The following TMCC1 variants were observed in gnomAD, a reference collection of about 807,000 sequenced individuals.
TMCC1 encodes the protein transmembrane and coiled-coil domain family 1, also known as transmembrane and coiled-coil domains protein 1.
A neutral mutation model predicts 52.4 loss-of-function variants in TMCC1; 15 were observed. The observed-to-expected ratio is 0.29, with a 90% CI of 0.19 to 0.44. The LOEUF (loss-of-function observed/expected upper bound fraction) is 0.44. Ranked by LOEUF, TMCC1 falls within the 20% of genes least tolerant of loss-of-function variation. The pLI, the probability that TMCC1 is intolerant of heterozygous loss-of-function variation, is 1.00. For synonymous variants in TMCC1, 279 were observed against 301.9 expected (o/e 0.92, Z 0.79); for missense variants, 503 against 806.0 (o/e 0.62, Z 4.55).
chr3:129,849,420 C>A (rs1015059730), intron 2 of TMCC1, among the ~76,000 whole-genome samples: 12 of 151,664 alleles, frequency 7.9e-5, no homozygotes, highest in African/African-American at 2.4e-4. Context: ...AGATTGCATG[C>A]CACTGCACTC....
chr3:129,678,387 G>A (rs1194484988), intron 4 of TMCC1, among the ~76,000 whole-genome samples: 3 of 122,834 alleles, frequency 2.4e-5, no homozygotes, highest in East Asian at 2.2e-4. Context: ...TTGAGATGGC[G>A]TCTCACTCTG....
chr3:129,818,741 T>C (rs944681921), intron 4 of TMCC1, among the ~76,000 whole-genome samples: 10 of 152,180 alleles, frequency 6.6e-5, no homozygotes, highest in Non-Finnish European at 1.2e-4. Context: ...GAAGGGCTAA[T>C]AAATGACTGA....
chr3:129,801,283 C>CT (rs35561257), intron 4 of TMCC1, among the ~76,000 whole-genome samples: 11 of 148,406 alleles, frequency 7.4e-5, no homozygotes, highest in East Asian at 2.0e-4. Flanking sequence ...CTATGACCTC[C>CT]TTTTTTTTTT....
chr3:129,759,532 T>C (rs2053314557), intron 4 of TMCC1, among the ~76,000 whole-genome samples: 2 of 150,730 alleles, frequency 1.3e-5, no homozygotes, highest in South Asian at 2.1e-4. Context: ...CCTCCCCAAG[T>C]ACTAGGATTA....
chr3:129,789,529 A>T (rs954963618), intron 4 of TMCC1, among the ~76,000 whole-genome samples: 15 of 152,106 alleles, frequency 9.9e-5, no homozygotes, highest in Admixed American at 7.9e-4. Flanking sequence ...CGCCCAGGCT[A>T]GAGTGCAGTG....
chr3:129,749,746 C>T (rs1377756095), intron 4 of TMCC1, among the ~76,000 whole-genome samples: 1 of 152,114 alleles, frequency 6.6e-6, no homozygotes, highest in African/African-American at 2.4e-5. Context: ...TCTCTTTATA[C>T]ATAAAATACT....
chr3:129,733,126 T>C (rs1349680569), intron 4 of TMCC1, among the ~76,000 whole-genome samples: 1 of 152,212 alleles, frequency 6.6e-6, no homozygotes, highest in Non-Finnish European at 1.5e-5. Context: ...CCAGGTGTTT[T>C]AGCTGAGTTC....
At chr3:129,886,711 G>A (rs757212233) in intron 1 of TMCC1, among the ~76,000 whole-genome samples, 2 of 151,750 alleles carry the variant, frequency 1.3e-5, no homozygotes, top group Non-Finnish European at 2.9e-5. Flanking sequence ...AGGCTGAGGC[G>A]GACCAATCAC....
At chr3:129,874,136 G>A (rs1246315799) in intron 2 of TMCC1, among the ~76,000 whole-genome samples, 1 of 152,172 alleles carries the variant, frequency 6.6e-6, no homozygotes, top group East Asian at 1.9e-4. Context: ...GGATTAAAGT[G>A]AGACTTTCAT....
intron 4 of TMCC1, among the ~76,000 whole-genome samples, chr3:129,798,638 A>C (rs536767423): frequency 3.9e-5 from 6 of 152,180 alleles, no homozygotes; most frequent in African/African-American, 1.4e-4. Flanking sequence ...AGAAGTGCTC[A>C]GAATGTTTTC....
chr3:129,843,021 T>C (rs1406536652), intron 2 of TMCC1, among the ~76,000 whole-genome samples: 1 of 152,142 alleles, frequency 6.6e-6, no homozygotes, highest in African/African-American at 2.4e-5. Flanking sequence ...GGCTTCTACC[T>C]TGGCACAGTA....
At chr3:129,851,622 T>C (rs1708210) in intron 2 of TMCC1, among the ~76,000 whole-genome samples, 131,856 of 152,196 alleles carry the variant, frequency 0.87, 57,813 homozygotes, top group East Asian at 1. Flanking sequence ...ATTGGAATCT[T>C]TGTGCATTGT....
chr3:129,754,519 A>G (rs570724690), intron 4 of TMCC1, among the ~76,000 whole-genome samples: 1 of 152,344 alleles, frequency 6.6e-6, no homozygotes, highest in East Asian at 1.9e-4. Flanking sequence ...TACGGTCCAC[A>G]GATCAATGGA....
intron 4 of TMCC1, among the ~76,000 whole-genome samples, chr3:129,797,479 T>C (rs1056534409): frequency 1.3e-5 from 2 of 152,068 alleles, no homozygotes; most frequent in African/African-American, 4.8e-5. Flanking sequence ...TGTGTGCTTA[T>C]GCCTGTGATC....
intron 2 of TMCC1, among the ~76,000 whole-genome samples, chr3:129,866,538 C>T (rs867440889): frequency 8.6e-5 from 13 of 151,490 alleles, no homozygotes; most frequent in South Asian, 4.2e-4. Flanking sequence ...CCACCACGCC[C>T]GGCTAATTTT....
chr3:129,812,606 A>C (rs888098732), intron 4 of TMCC1, among the ~76,000 whole-genome samples: 1 of 152,022 alleles, frequency 6.6e-6, no homozygotes, highest in African/African-American at 2.4e-5. Context: ...ACCTCGCCCC[A>C]AAAAAAGAAA....
chr3:129,762,397 G>A (rs1208493791), intron 4 of TMCC1, among the ~76,000 whole-genome samples: 2 of 152,142 alleles, frequency 1.3e-5, no homozygotes, highest in Non-Finnish European at 2.9e-5. Flanking sequence ...ATACATTCAA[G>A]GATTTAATGA....
At chr3:129,674,807 A>AG (rs1370448344) in intron 4 of TMCC1, among the ~76,000 whole-genome samples, 4 of 152,180 alleles carry the variant, frequency 2.6e-5, no homozygotes, top group Non-Finnish European at 5.9e-5. Context: ...CTGGCATATT[A>AG]GGCTGTTCAT....
At chr3:129,742,804 T>A (rs1036600527) in intron 4 of TMCC1, among the ~76,000 whole-genome samples, 4 of 152,166 alleles carry the variant, frequency 2.6e-5, no homozygotes, top group Non-Finnish European at 5.9e-5. Flanking sequence ...CATATCCACA[T>A]AATAGAATAT....
Sources: allele counts gnomAD v4.1 joint callset (sites outside exome capture counted in the v4.1 genomes callset), GRCh38; gene constraint gnomAD v4.1.1; transcripts MANE v1.5; gene names NCBI Gene and HGNC (gene_info 2026-07-23, HGNC 2026-07-21).